Variants in MTHFD1 observed in about 807,000 individuals in gnomAD.
MTHFD1 encodes methylenetetrahydrofolate dehydrogenase, cyclohydrolase and formyltetrahydrofolate synthetase 1, also known as C-1-tetrahydrofolate synthase, cytoplasmic.
In MTHFD1, 44 loss-of-function variants were observed where a neutral mutation model predicts 110.3. The ratio of observed to expected loss-of-function variants is 0.40; its 90% CI spans 0.31 to 0.51. The LOEUF (loss-of-function observed/expected upper bound fraction) is 0.51. Among genes scored for constraint, MTHFD1 ranks in the 20% least tolerant of loss-of-function variants. The pLI, the probability that MTHFD1 is intolerant of heterozygous loss-of-function variation, is 0.60. For missense variants in MTHFD1, 909 were observed against 1,173.1 expected, an observed-to-expected ratio of 0.77 and a Z score of 3.29; for synonymous variants, 402 against 428.8, an observed-to-expected ratio of 0.94 and a Z score of 0.77.
chr14:64,411,480 G>A lies in MTHFD1; in HGVS notation c.186+331G>A, dbSNP rs1424088120. Among the ~76,000 whole-genome samples, 4 of 152,138 alleles carry A rather than the reference G, an allele frequency of 2.6e-5. No homozygotes were observed. The East Asian group carries it at 5.8e-4, about 22-fold the overall frequency. On this transcript the variant is annotated intron_variant, in intron 3 of 27. Coordinates refer to ENST00000652337, the MANE Select transcript of MTHFD1 (RefSeq NM_005956.4). The stretch of plus-strand genomic sequence containing the variant: ...TATACCTTTCTCCGAAGATGATTTC[G>A]AGTTCTCCAAATTTAAAGAGGAAAG...
At chr14:64,416,827 A>T (rs1048258105) in intron 6 of MTHFD1, among the ~76,000 whole-genome samples, 4 of 152,200 alleles carry the variant, frequency 2.6e-5, no homozygotes, top group Non-Finnish European at 5.9e-5. Flanking sequence ...ACTGCCTCTT[A>T]TTGAGTGATG....
chr14:64,412,884 C>T (rs919037635), intron 4 of MTHFD1, among the ~76,000 whole-genome samples: 5 of 151,594 alleles, frequency 3.3e-5, no homozygotes, highest in South Asian at 4.2e-4. Context: ...GTGATTTACC[C>T]GCCTTGGCCT....
chr14:64,459,569 G>A, intron 27 of MTHFD1, among the ~76,000 whole-genome samples, 190 bp from the exon 28 acceptor site: 1 of 152,180 alleles, frequency 6.6e-6, no homozygotes, highest in Non-Finnish European at 1.5e-5. Context: ...TATTCACACA[G>A]TACTATGGAA....
chr14:64,389,520 C>T (rs1252971712), intron 1 of MTHFD1, among the ~76,000 whole-genome samples: 1 of 152,046 alleles, frequency 6.6e-6, no homozygotes, highest in East Asian at 1.9e-4. Context: ...CCAGCCTATC[C>T]AAAATGGTGA....
chr14:64,455,190 AC>A (rs1252158374), intron 26 of MTHFD1: 1 of 381,840 alleles, frequency 2.6e-6, no homozygotes, highest in African/African-American at 2.1e-5. Context: ...GGTAGTGCTA[AC>A]ATAATCACAG....
At chr14:64,449,391 A>G (rs954002554) in intron 23 of MTHFD1, 54 bp from the exon 24 acceptor site, 1 of 1,592,226 alleles carries the variant, frequency 6.3e-7, no homozygotes, top group African/African-American at 1.3e-5. Context: ...AAAGAAGACA[A>G]TTCTGTCTCT....
intron 12 of MTHFD1, 93 bp downstream of exon 12, chr14:64,427,566 T>G: frequency 8.9e-7 from 1 of 1,129,300 alleles, no homozygotes. Flanking sequence ...TTATGGGGTC[T>G]TCAACTCATT....
At chr14:64,438,122 C>T (rs1416961904) in intron 16 of MTHFD1, among the ~76,000 whole-genome samples, 1 of 152,190 alleles carries the variant, frequency 6.6e-6, no homozygotes, top group Non-Finnish European at 1.5e-5. Context: ...ATCTGCCCAC[C>T]TTGGCCCCCC....
intron 21 of MTHFD1, among the ~76,000 whole-genome samples, chr14:64,442,907 G>C (rs1430912477): frequency 6.6e-6 from 1 of 152,054 alleles, no homozygotes; most frequent in Non-Finnish European, 1.5e-5. Context: ...AGAGAAACAG[G>C]TGGAGACTGG....
At chr14:64,448,045 C>T (rs1274658317) in intron 22 of MTHFD1, 172 bp from the exon 23 acceptor site, 5 of 654,528 alleles carry the variant, frequency 7.6e-6, no homozygotes, top group Non-Finnish European at 1.4e-5. Flanking sequence ...TCCATAGCAT[C>T]CACTCACCGC....
intron 21 of MTHFD1, 70 bp from the exon 22 acceptor site, chr14:64,444,623 T>A (rs1157600421): frequency 1.3e-6 from 2 of 1,575,634 alleles, no homozygotes; most frequent in African/African-American, 2.7e-5. Context: ...CTTTAACACA[T>A]GAAAAGCACC....
At chr14:64,414,310 T>G in intron 4 of MTHFD1, among the ~76,000 whole-genome samples, 1 of 56,760 alleles carries the variant, frequency 1.8e-5, no homozygotes, top group East Asian at 4.7e-4. Flanking sequence ...TTTTTTTTTT[T>G]GAGACAGAGT....
chr14:64,426,686 G>T (rs547082611), intron 11 of MTHFD1, among the ~76,000 whole-genome samples: 1 of 147,494 alleles, frequency 6.8e-6, no homozygotes, highest in East Asian at 2.0e-4. Flanking sequence ...GGCCAGGCTG[G>T]TCTCGAACTC....
chr14:64,431,778 TTCTTTAAGGCTC>T lies in MTHFD1; in HGVS notation c.1420-1_1430del. ...CCTCTCATTTTAAAGCCCCTTTCTT[TTCTTTAAGGCTC>T]TCTTTAATCGTTTGGTGCCATCAGT... On this transcript the variant is annotated splice_acceptor_variant and splice_polypyrimidine_tract_variant and coding_sequence_variant and intron_variant, in exon 15 of 28. Transcript: ENST00000652337. LOFTEE classifies it high-confidence loss of function. 1 of 1,614,022 alleles carries T rather than the reference TTCTTTAAGGCTC, an allele frequency of 6.2e-7. No individual in the cohort carries two copies. Among genetic ancestry groups the T allele is most frequent in the Non-Finnish European group, 8.5e-7 (1 of 1,179,876 alleles).
chr14:64,395,784 A>G (rs1244042328), intron 1 of MTHFD1, among the ~76,000 whole-genome samples: 1 of 152,130 alleles, frequency 6.6e-6, no homozygotes, highest in Non-Finnish European at 1.5e-5. Flanking sequence ...TCCCCATAAC[A>G]AAGGATGATC....
At chr14:64,439,999 G>A in intron 17 of MTHFD1, 127 bp from the exon 18 acceptor site, 1 of 701,098 alleles carries the variant, frequency 1.4e-6, no homozygotes, top group African/African-American at 1.8e-5. Flanking sequence ...ATTTTGGGTA[G>A]TATTCTGTTA....
At chr14:64,448,628 C>T (rs1218931212) in intron 23 of MTHFD1, 4 of 369,210 alleles carry the variant, frequency 1.1e-5, no homozygotes, top group Non-Finnish European at 2.0e-5. Context: ...AGGTCATAGG[C>T]CTATAGTGTT....
chr14:64,410,321 G>A (rs937740746), intron 2 of MTHFD1, among the ~76,000 whole-genome samples: 1 of 151,628 alleles, frequency 6.6e-6, no homozygotes, highest in African/African-American at 2.4e-5. Flanking sequence ...AAAAACTCTT[G>A]ACCTCAAGTA....
At chr14:64,415,291 A>G in intron 4 of MTHFD1, 67 bp from the exon 5 acceptor site, 1 of 1,453,014 alleles carries the variant, frequency 6.9e-7, no homozygotes, top group East Asian at 2.3e-5. Context: ...TTTTTGCCTT[A>G]GAAAGTGTTT....
Sources: gnomAD v4.1 joint callset for allele counts (sites outside exome capture counted in the v4.1 genomes callset) on GRCh38, gnomAD v4.1.1 for gene constraint, MANE v1.5 for transcripts, NCBI Gene and HGNC (gene_info 2026-07-23, HGNC 2026-07-21) for gene names.